The following SYNE2 variants were observed in gnomAD, a reference collection of about 807,000 sequenced individuals.
SYNE2 encodes nesprin-2.
In SYNE2, 431 loss-of-function variants were observed where a neutral mutation model predicts 856.3. The observed-to-expected ratio is 0.50, with a 90% CI of 0.47 to 0.55. The LOEUF is 0.55. Ranked by LOEUF, SYNE2 falls within the 20% of genes least tolerant of loss-of-function variation. The pLI is 0.00. For missense variants in SYNE2, 8,129 were observed against 8,023.2 expected (o/e 1.01, Z -0.50); for synonymous variants, 2,923 against 2,872.3 (o/e 1.02, Z -0.56).
intron 1 of SYNE2, among the ~76,000 whole-genome samples, chr14:63,835,160 A>G (rs1889806373): frequency 6.6e-6 from 1 of 152,230 alleles, no homozygotes; most frequent in African/African-American, 2.4e-5. Flanking sequence ...AAAACCAGTT[A>G]TCATGGATAT....
chr14:63,868,895 A>G (rs1896147386), intron 1 of SYNE2, among the ~76,000 whole-genome samples: 1 of 152,248 alleles, frequency 6.6e-6, no homozygotes, highest in South Asian at 2.1e-4. Context: ...AAAGAGCAAC[A>G]TTCTCTCTGC....
chr14:63,977,294 GC>G (rs2096551552), intron 12 of SYNE2, among the ~76,000 whole-genome samples: 1 of 151,988 alleles, frequency 6.6e-6, no homozygotes. Context: ...CTCACTGCAA[GC>G]ACCGCCTCCT....
rs746639091 is a variant in SYNE2, at chr14:64,209,437, G to A, written c.18399G>A (p.Glu6133=). 1 of 1,614,242 alleles carries A rather than the reference G, an allele frequency of 6.2e-7. No individual in the cohort carries two copies. Among genetic ancestry groups the A allele is most frequent in the Admixed American group, 1.7e-5 (1 of 60,032 alleles). Residue 6133 remains glutamate (E), a synonymous_variant, in exon 102 of 116, where the codon GAG becomes GAA. Coordinates refer to ENST00000555002, the MANE Select transcript of SYNE2 (RefSeq NM_182914.3). ...GCTTTGCTCCCATCAGAATCGAGGA[G>A]ACGTGGCGCCTGTGGCAGAAGTTTT... The part of the protein sequence containing the change: ...MSMERRMKIE[E]TWRLWQKFLD...
At chr14:64,220,733 C>T (rs1026175878) in intron 111 of SYNE2, 96 bp downstream of exon 111, 4 of 1,408,870 alleles carry the variant, frequency 2.8e-6, no homozygotes, top group African/African-American at 2.8e-5. Context: ...TGCTTCCGTG[C>T]AGCCAAATGT....
chr14:64,193,518 C>T (rs769364491), intron 99 of SYNE2, among the ~76,000 whole-genome samples: 18 of 152,054 alleles, frequency 1.2e-4, no homozygotes, highest in Non-Finnish European at 2.5e-4. Context: ...CCACTGCTCT[C>T]CAACCTGGGT....
chr14:63,961,794 A>G (rs939576450), intron 9 of SYNE2, among the ~76,000 whole-genome samples, 169 bp downstream of exon 9: 3 of 152,096 alleles, frequency 2.0e-5, no homozygotes, highest in Non-Finnish European at 4.4e-5. Context: ...CTAGTACCCA[A>G]AATATTCCAC....
chr14:63,956,176 A>G (rs1023794466), intron 8 of SYNE2, among the ~76,000 whole-genome samples: 19 of 152,216 alleles, frequency 1.2e-4, no homozygotes, highest in African/African-American at 3.9e-4. Flanking sequence ...TGCTACTGCT[A>G]TGACTGATTT....
At chr14:63,767,206 A>G (rs1886717606) in intron 1 of SYNE2, among the ~76,000 whole-genome samples, 2 of 151,608 alleles carry the variant, frequency 1.3e-5, no homozygotes, top group African/African-American at 4.9e-5. Context: ...TCCCAGTTCA[A>G]GCAATTCTCC....
Position 63,997,288 on chromosome 14 carries a change from G to A in SYNE2, c.3153-13G>A. ...TACCCTCTTTTAAACATGCAATTTT[G>A]ATTCCTTTCTAGGGGGACCATCACC... On this transcript the variant is annotated splice_polypyrimidine_tract_variant and intron_variant, in intron 24 of 115. Coordinates refer to ENST00000555002, the MANE Select transcript of SYNE2 (RefSeq NM_182914.3). 2.5e-6 allele frequency: 4 copies of A among 1,610,256 alleles called. No homozygotes were observed. The highest frequency in any genetic ancestry group is 3.4e-6 in the Non-Finnish European group (4 of 1,177,422).
At chr14:63,980,434 A>G (rs989735939) in intron 14 of SYNE2, among the ~76,000 whole-genome samples, 17 of 152,270 alleles carry the variant, frequency 1.1e-4, no homozygotes, top group Admixed American at 4.6e-4. Flanking sequence ...ATTAAGATCA[A>G]TTTTATCAGA....
intron 1 of SYNE2, among the ~76,000 whole-genome samples, chr14:63,843,214 C>CAT (rs1555344069): frequency 4.7e-5 from 7 of 150,326 alleles, no homozygotes; most frequent in African/African-American, 1.7e-4. Context: ...TTTTTATGCC[C>CAT]GTGTGTGTGT....
chr14:63,827,625 C>CA (rs11334415), intron 1 of SYNE2, among the ~76,000 whole-genome samples: 1,144 of 28,408 alleles, frequency 0.04, 151 homozygotes, highest in Middle Eastern at 0.12. Flanking sequence ...AACTCTGTCT[C>CA]AAAAAAAAAA....
chr14:63,846,630 C>T (rs935433928), intron 1 of SYNE2, among the ~76,000 whole-genome samples: 1 of 151,644 alleles, frequency 6.6e-6, no homozygotes, highest in Non-Finnish European at 1.5e-5. Flanking sequence ...GAGTCTCCCT[C>T]TGTTGCCCAA....
At chr14:64,121,897 G>A in intron 68 of SYNE2, 115 bp from the exon 69 acceptor site, 3 of 1,357,690 alleles carry the variant, frequency 2.2e-6, no homozygotes, top group South Asian at 2.5e-5. Flanking sequence ...AAGAGAAATA[G>A]TAATTAATGA....
At chr14:64,169,560 C>T (rs2098400303) in intron 93 of SYNE2, among the ~76,000 whole-genome samples, 1 of 152,222 alleles carries the variant, frequency 6.6e-6, no homozygotes, top group African/African-American at 2.4e-5. Context: ...AAATACTTCT[C>T]TAAATGTCCT....
intron 18 of SYNE2, 27 bp downstream of exon 18, chr14:63,983,913 C>T (rs1384261323): frequency 1.4e-6 from 2 of 1,414,628 alleles, no homozygotes; most frequent in Non-Finnish European, 2.0e-6. Context: ...TTGTATATTT[C>T]ACTTGCAAAT....
At chr14:64,006,130 T>C (rs1199099523) in intron 30 of SYNE2, among the ~76,000 whole-genome samples, 1 of 152,154 alleles carries the variant, frequency 6.6e-6, no homozygotes, top group Non-Finnish European at 1.5e-5. Context: ...TGGGAGTGAA[T>C]TGAAGAGAAA....
chr14:64,037,385 C>T (rs1028508228), intron 45 of SYNE2, among the ~76,000 whole-genome samples: 5 of 151,188 alleles, frequency 3.3e-5, no homozygotes, highest in Admixed American at 6.6e-5. Flanking sequence ...CATCTTGCAC[C>T]GCCCTTAATC....
chr14:63,774,992 T>G (rs1261398001), intron 1 of SYNE2, among the ~76,000 whole-genome samples: 1 of 152,172 alleles, frequency 6.6e-6, no homozygotes, highest in Non-Finnish European at 1.5e-5. Flanking sequence ...ATTTATCATT[T>G]TGAGATGGAG....
Sources: gnomAD v4.1 joint callset for allele counts (sites outside exome capture counted in the v4.1 genomes callset) on GRCh38, gnomAD v4.1.1 for gene constraint, MANE v1.5 for transcripts, NCBI Gene and HGNC (gene_info 2026-07-23, HGNC 2026-07-21) for gene names.